The following CDH13 variants were observed in gnomAD, a reference collection of about 807,000 sequenced individuals.
CDH13 encodes the protein cadherin-13.
Under a neutral mutation model 63.8 loss-of-function variants are expected in CDH13, and 24 were observed. The observed-to-expected ratio is 0.38, with a 90% CI of 0.27 to 0.53. CDH13 has a LOEUF of 0.53. Among genes scored for constraint, CDH13 ranks in the 20% least tolerant of loss-of-function variants. The probability of loss-of-function intolerance (pLI) is 0.85; values close to 1 mark genes in which losing one functional copy is unlikely to be tolerated. For missense variants in CDH13, 1,049 were observed against 903.1 expected (o/e 1.16, Z -2.07); for synonymous variants, 503 against 355.3 (o/e 1.42, Z -4.67).
At chr16:82,934,025 G>A (rs1338134507) in intron 2 of CDH13, among the ~76,000 whole-genome samples, 1 of 152,214 alleles carries the variant, frequency 6.6e-6, no homozygotes, top group Non-Finnish European at 1.5e-5. Flanking sequence ...CCTGGGGTCT[G>A]GAGGACAGTG....
intron 1 of CDH13, among the ~76,000 whole-genome samples, chr16:82,727,977 A>T (rs902345541): frequency 4.6e-5 from 7 of 152,216 alleles, no homozygotes; most frequent in South Asian, 2.1e-4. Flanking sequence ...AAAAGTTAGA[A>T]TCTTCCCTTC....
chr16:82,883,787 C>G (rs2040786385), intron 2 of CDH13, among the ~76,000 whole-genome samples: 1 of 152,240 alleles, frequency 6.6e-6, no homozygotes, highest in African/African-American at 2.4e-5. Flanking sequence ...TCTTCCCCAT[C>G]TTGGTCCTCA....
At chr16:83,651,126 G>T (rs1312356443) in intron 8 of CDH13, among the ~76,000 whole-genome samples, 1 of 151,868 alleles carries the variant, frequency 6.6e-6, no homozygotes, top group Non-Finnish European at 1.5e-5. Context: ...AAAAATAGTT[G>T]ATCAGAACAC....
chr16:82,976,719 T>C (rs1021656060), intron 2 of CDH13, among the ~76,000 whole-genome samples: 1 of 152,118 alleles, frequency 6.6e-6, no homozygotes, highest in Non-Finnish European at 1.5e-5. Flanking sequence ...TTGAGTTTCT[T>C]TTACTCCCAA....
intron 7 of CDH13, among the ~76,000 whole-genome samples, chr16:83,498,997 G>T (rs2074211002): frequency 6.6e-6 from 1 of 152,152 alleles, no homozygotes; most frequent in Non-Finnish European, 1.5e-5. Flanking sequence ...TTGTCAATAA[G>T]AATCAAATGG....
At chr16:82,712,818 C>G (rs574478812) in intron 1 of CDH13, among the ~76,000 whole-genome samples, 23 of 152,242 alleles carry the variant, frequency 1.5e-4, no homozygotes, top group African/African-American at 5.1e-4. Context: ...TGGGTTCCAG[C>G]TTTTCTCCAC....
intron 5 of CDH13, among the ~76,000 whole-genome samples, chr16:83,277,690 G>T (rs896285440): frequency 6.6e-6 from 1 of 151,936 alleles, no homozygotes; most frequent in Admixed American, 6.6e-5. Flanking sequence ...AGAATCCAGC[G>T]GATTCCCTTA....
chr16:83,347,467 A>C (rs779806220), intron 6 of CDH13, among the ~76,000 whole-genome samples: 1 of 152,146 alleles, frequency 6.6e-6, no homozygotes, highest in Admixed American at 6.5e-5. Context: ...CCTGCCTTCA[A>C]ATCATATGCT....
chr16:83,245,958 C>A (rs12716968), intron 5 of CDH13, among the ~76,000 whole-genome samples: 22,137 of 152,058 alleles, frequency 0.15, 1,655 homozygotes, highest in Middle Eastern at 0.2. Context: ...GCTGGTCTTA[C>A]ACTTTTGAAC....
chr16:83,084,546 G>T (rs1042656074), intron 3 of CDH13, among the ~76,000 whole-genome samples: 1 of 152,176 alleles, frequency 6.6e-6, no homozygotes, highest in Non-Finnish European at 1.5e-5. Flanking sequence ...TGGAGAGCAT[G>T]TCCTTTAGAG....
At chr16:83,762,599 C>T (rs962766707) in intron 11 of CDH13, among the ~76,000 whole-genome samples, 5 of 152,148 alleles carry the variant, frequency 3.3e-5, no homozygotes, top group African/African-American at 1.2e-4. Context: ...TGAAAACTGT[C>T]ACAGGCGATT....
At chr16:83,429,614 C>T (rs547677374) in intron 6 of CDH13, among the ~76,000 whole-genome samples, 2 of 152,048 alleles carry the variant, frequency 1.3e-5, no homozygotes, top group African/African-American at 2.4e-5. Context: ...GGTCTCCAGC[C>T]AAACAACCTA....
At chr16:83,382,050 A>T (rs1025738450) in intron 6 of CDH13, among the ~76,000 whole-genome samples, 2 of 152,166 alleles carry the variant, frequency 1.3e-5, no homozygotes, top group African/African-American at 4.8e-5. Context: ...CCATAATCCA[A>T]TGTGAATGGG....
chr16:82,928,205 A>T (rs2042366213), intron 2 of CDH13, among the ~76,000 whole-genome samples: 1 of 151,792 alleles, frequency 6.6e-6, no homozygotes, highest in Non-Finnish European at 1.5e-5. Flanking sequence ...TGTGTAATCC[A>T]CATAAGGCTT....
chr16:82,757,647 GT>G (rs776039467), intron 1 of CDH13, among the ~76,000 whole-genome samples: 117 of 88,486 alleles, frequency 1.3e-3, no homozygotes, highest in African/African-American at 3.0e-3. Context: ...CTTTTTTTTT[GT>G]TTTTTTTTTT....
At chr16:83,191,272 GT>G (rs2038688624) in intron 4 of CDH13, among the ~76,000 whole-genome samples, 1 of 145,922 alleles carries the variant, frequency 6.9e-6, no homozygotes, top group African/African-American at 2.6e-5. Flanking sequence ...AATCACAAGT[GT>G]TAATAGTTTG....
rs149206904 is a variant in CDH13 at position 83,017,374 on chromosome 16, C to T, written c.158-14636C>T. ...CTTTGACTCCCTGTTATGTCCTGTG[C>T]TGCTAAGCTGTAGAATAACTTCGAA... is the stretch of plus-strand genomic sequence containing the variant. On this transcript the variant is annotated intron_variant, in intron 2 of 13. Coordinates refer to ENST00000567109, the MANE Select transcript of CDH13 (RefSeq NM_001257.5). 2.8e-3 allele frequency among the ~76,000 whole-genome samples: 431 copies of T among 152,308 alleles called. 3 individuals carry two copies. In the Middle Eastern group the frequency reaches 0.034, roughly 12 times the overall value.
intron 8 of CDH13, among the ~76,000 whole-genome samples, chr16:83,622,425 G>A (rs978046196): frequency 1.3e-5 from 2 of 152,166 alleles, no homozygotes; most frequent in African/African-American, 4.8e-5. Context: ...AGACTCGGAC[G>A]AGAAAGTCAA....
intron 5 of CDH13, among the ~76,000 whole-genome samples, chr16:83,271,308 A>G (rs2088800356): frequency 1.3e-5 from 2 of 150,696 alleles, no homozygotes; most frequent in Non-Finnish European, 3.0e-5. Context: ...CTTACGGATA[A>G]GTGATCAGGG....
Sources: allele counts gnomAD v4.1 joint callset (sites outside exome capture counted in the v4.1 genomes callset), GRCh38; gene constraint gnomAD v4.1.1; transcripts MANE v1.5; gene names NCBI Gene and HGNC (gene_info 2026-07-23, HGNC 2026-07-21).